Variants in PARD3 observed in about 807,000 individuals in gnomAD.
The protein encoded by PARD3 is partitioning defective 3 homolog.
PARD3 carries 75 observed loss-of-function variants against 155.4 expected under a neutral mutation model. The ratio of observed to expected loss-of-function variants is 0.48; its 90% CI spans 0.40 to 0.58. The LOEUF (loss-of-function observed/expected upper bound fraction) is 0.58, where lower values mean the gene tolerates loss of function less well. Ranked by LOEUF, PARD3 falls within the 20% of genes least tolerant of loss-of-function variation. PARD3 has a pLI of 0.00. For synonymous variants in PARD3, 576 were observed against 610.5 expected, an observed-to-expected ratio of 0.94 and a Z score of 0.83; for missense variants, 1,642 against 1,721.7, an observed-to-expected ratio of 0.95 and a Z score of 0.82.
chr10:34,726,648 C>T (rs1444533460), intron 1 of PARD3, among the ~76,000 whole-genome samples: 4 of 152,056 alleles, frequency 2.6e-5, no homozygotes, highest in Non-Finnish European at 5.9e-5. Context: ...GTAGTCCCAG[C>T]TACTCAGGAG....
chr10:34,419,701 A>G (rs1272131129), intron 5 of PARD3, among the ~76,000 whole-genome samples: 1 of 152,186 alleles, frequency 6.6e-6, no homozygotes, highest in Non-Finnish European at 1.5e-5. Context: ...GTGGTAAAGT[A>G]TATAAAATAC....
intron 1 of PARD3, among the ~76,000 whole-genome samples, chr10:34,763,851 A>C (rs1177195821): frequency 6.6e-6 from 1 of 152,198 alleles, no homozygotes; most frequent in Non-Finnish European, 1.5e-5. Flanking sequence ...CCCAAATACT[A>C]TAATAATTTT....
intron 5 of PARD3, among the ~76,000 whole-genome samples, chr10:34,430,734 C>T (rs932915492): frequency 9.2e-5 from 14 of 152,208 alleles, no homozygotes; most frequent in African/African-American, 3.4e-4. Flanking sequence ...GGTATTAAAG[C>T]TTCTGAACAA....
intron 2 of PARD3, among the ~76,000 whole-genome samples, chr10:34,545,805 A>C (rs2083998960): frequency 1.3e-5 from 2 of 152,148 alleles, no homozygotes; most frequent in African/African-American, 4.8e-5. Flanking sequence ...CAATCTGCCC[A>C]CCTCGGCTTC....
At chr10:34,567,670 TTAATC>T (rs1272764242) in intron 2 of PARD3, among the ~76,000 whole-genome samples, 4 of 152,212 alleles carry the variant, frequency 2.6e-5, no homozygotes, top group Admixed American at 6.5e-5. Context: ...CTTTGACAAT[TTAATC>T]TAATTTAAAT....
chr10:34,345,016 C>T, intron 15 of PARD3: 1 of 985,068 alleles, frequency 1.0e-6, no homozygotes, highest in Non-Finnish European at 1.2e-6. Context: ...CCATGGGTGC[C>T]AGGATAGAAT....
intron 1 of PARD3, among the ~76,000 whole-genome samples, chr10:34,778,333 G>C (rs1021149536): frequency 2.6e-5 from 4 of 152,184 alleles, no homozygotes; most frequent in Non-Finnish European, 4.4e-5. Flanking sequence ...ACAGAAATGA[G>C]GCAAAGGCTG....
intron 2 of PARD3, among the ~76,000 whole-genome samples, chr10:34,624,180 C>A (rs1196857505): frequency 1.3e-5 from 2 of 152,106 alleles, no homozygotes; most frequent in African/African-American, 2.4e-5. Context: ...TGACTGCATG[C>A]GTCTCCCACG....
chr10:34,413,862 C>T (rs1205112726), intron 5 of PARD3, among the ~76,000 whole-genome samples: 1 of 152,138 alleles, frequency 6.6e-6, no homozygotes, highest in African/African-American at 2.4e-5. Context: ...AATCATTAAA[C>T]CATGAGAAAA....
Position 34,633,305 on chromosome 10 carries a change from C to A in PARD3, c.222+63013G>T, listed in dbSNP as rs369219921. On this transcript the variant is annotated intron_variant, in intron 2 of 24. Coordinates refer to ENST00000374788, the MANE Select transcript of PARD3 (RefSeq NM_001184785.2). ...AATCAAACCTATGCCTCCTATGTAA[C>A]CCAGGCTTTGTGCCCTTTGGTTACG... Among the ~76,000 whole-genome samples the A allele has an allele frequency of 2.4e-4, 37 of 152,278 alleles. No individual in the cohort carries two copies. The East Asian group carries it at 5.0e-3, about 21-fold the overall frequency.
Position 34,711,698 on chromosome 10 carries a change from A to T in PARD3, c.121-15279T>A, listed in dbSNP as rs2133635670. Reference sequence around the variant, plus strand: ...TAACTAGTGTGTCCCAGAAAAAAATAAAAATAATACCCCTATTGGGTATAG... The same window carrying T: ...TAACTAGTGTGTCCCAGAAAAAAATTAAAATAATACCCCTATTGGGTATAG... On this transcript the variant is annotated intron_variant, in intron 1 of 24. Transcript: ENST00000374788. Among the ~76,000 whole-genome samples the T allele has an allele frequency of 2.6e-5, 4 of 152,302 alleles. No individual in the cohort carries two copies. In the Middle Eastern group the frequency reaches 0.014, roughly 518 times the overall value.
rs746851930 is a variant in PARD3, at chr10:34,551,775, T to A, written c.223-34616A>T. On this transcript the variant is annotated intron_variant, in intron 2 of 24. Coordinates refer to ENST00000374788, the MANE Select transcript of PARD3 (RefSeq NM_001184785.2). ...TGGGGAAGGAGAGAGGAGCAAAGCC[T>A]GTGTTCCCCAAAGGTTCTCTTAAAG... 4.2e-4 allele frequency among the ~76,000 whole-genome samples: 64 copies of A among 152,202 alleles called. 1 individual carries two copies. Among genetic ancestry groups the A allele is most frequent in the Non-Finnish European group, 8.8e-5 (6 of 68,032 alleles).
intron 22 of PARD3, among the ~76,000 whole-genome samples, chr10:34,242,575 A>G (rs1564512926): frequency 1.3e-5 from 2 of 152,230 alleles, no homozygotes; most frequent in Non-Finnish European, 2.9e-5. Context: ...TTTTCAACAT[A>G]AAGTTTAATG....
In PARD3 at chr10:34,382,581, G is replaced by C; in HGVS notation, c.1358C>G (p.Thr453Ser). ...FSTTVSSGYN[T>S]KKIGKRLNIQ... ...ATTAAGCCTCTTGCCTATTTTTTTG[G>C]TGTTATAACCACTGCTTACAGTCGT... is the stretch of plus-strand genomic sequence containing the variant. Residue 453 changes from threonine (T) to serine (S), a missense_variant, in exon 9 of 25, where the codon ACC becomes AGC. Transcript: ENST00000374788. The C allele has an allele frequency of 1.2e-6, 2 of 1,610,834 alleles. No individual in the cohort carries two copies. Among genetic ancestry groups the C allele is most frequent in the South Asian group, 2.2e-5 (2 of 90,380 alleles).
intron 2 of PARD3, among the ~76,000 whole-genome samples, chr10:34,662,145 T>C (rs1381698144): frequency 6.6e-6 from 1 of 152,164 alleles, no homozygotes; most frequent in Non-Finnish European, 1.5e-5. Context: ...ATTCTCAAAA[T>C]GTTCCCTTTC....
At chr10:34,637,479 A>G (rs925910150) in intron 2 of PARD3, among the ~76,000 whole-genome samples, 14 of 152,360 alleles carry the variant, frequency 9.2e-5, no homozygotes, top group African/African-American at 3.4e-4. Flanking sequence ...GCCCTGCTGG[A>G]GAGACCAGTC....
intron 1 of PARD3, among the ~76,000 whole-genome samples, chr10:34,714,870 G>A (rs1479203206): frequency 2.0e-5 from 3 of 150,742 alleles, no homozygotes; most frequent in Non-Finnish European, 3.0e-5. Context: ...CGCCTCCCGA[G>A]TTCAAGTGAT....
chr10:34,345,361 G>T, intron 15 of PARD3: 7 of 984,658 alleles, frequency 7.1e-6, no homozygotes, highest in Non-Finnish European at 8.4e-6. Context: ...GTCCTACATA[G>T]GGGATTACTC....
chr10:34,195,995 C>T (rs1163702283), intron 22 of PARD3, among the ~76,000 whole-genome samples: 1 of 152,194 alleles, frequency 6.6e-6, no homozygotes, highest in African/African-American at 2.4e-5. Context: ...GCCTGGGGCA[C>T]AGAATATGCA....
Sources: allele counts gnomAD v4.1 joint callset (sites outside exome capture counted in the v4.1 genomes callset), GRCh38; gene constraint gnomAD v4.1.1; transcripts MANE v1.5; gene names NCBI Gene and HGNC (gene_info 2026-07-23, HGNC 2026-07-21).